Variants in RPTOR observed in about 807,000 individuals in gnomAD.
The protein encoded by RPTOR is regulatory-associated protein of mTOR.
Under a neutral mutation model 169.9 loss-of-function variants are expected in RPTOR, and 21 were observed. The observed-to-expected ratio is 0.12, with a 90% CI of 0.09 to 0.18. The LOEUF (loss-of-function observed/expected upper bound fraction) is 0.18. Among genes scored for constraint, RPTOR ranks in the 10% least tolerant of loss-of-function variants. The pLI is 1.00. For missense variants in RPTOR, 1,133 were observed against 1,855.9 expected (o/e 0.61, Z 7.16); for synonymous variants, 732 against 753.2 (o/e 0.97, Z 0.46).
intron 21 of RPTOR, among the ~76,000 whole-genome samples, chr17:80,914,498 C>T (rs1325934109): frequency 6.6e-6 from 1 of 152,218 alleles, no homozygotes; most frequent in Non-Finnish European, 1.5e-5. Context: ...CCTCTGTGCT[C>T]TCAGGGGCCC....
chr17:80,552,410 G>T (rs941213563), intron 1 of RPTOR, among the ~76,000 whole-genome samples: 1 of 152,096 alleles, frequency 6.6e-6, no homozygotes, highest in Non-Finnish European at 1.5e-5. Context: ...TCCTCAGAGA[G>T]GCCCACCATC....
chr17:80,706,008 C>A (rs750522963), intron 3 of RPTOR, among the ~76,000 whole-genome samples: 2 of 152,210 alleles, frequency 1.3e-5, no homozygotes, highest in Non-Finnish European at 2.9e-5. Context: ...CAAACACTTA[C>A]TGGCATTTTT....
intron 4 of RPTOR, among the ~76,000 whole-genome samples, chr17:80,717,438 G>A (rs184570794): frequency 5.9e-4 from 90 of 152,304 alleles, no homozygotes; most frequent in Admixed American, 3.1e-3. Context: ...GATCCCTAGA[G>A]CCAAGTCTTT....
chr17:80,762,425 G>A, intron 6 of RPTOR, among the ~76,000 whole-genome samples: 1 of 152,202 alleles, frequency 6.6e-6, no homozygotes, highest in Middle Eastern at 3.2e-3. Flanking sequence ...GCCCCAGGGT[G>A]CAGGCAAGGC....
intron 25 of RPTOR, among the ~76,000 whole-genome samples, chr17:80,944,486 G>A (rs2069073701): frequency 6.6e-6 from 1 of 152,208 alleles, no homozygotes; most frequent in Non-Finnish European, 1.5e-5. Context: ...TTGAGCAAAG[G>A]CATTAACCCT....
chr17:80,669,551 A>G (rs1251523381), intron 3 of RPTOR, among the ~76,000 whole-genome samples: 1 of 152,006 alleles, frequency 6.6e-6, no homozygotes, highest in Non-Finnish European at 1.5e-5. Flanking sequence ...TGCCCGGCTA[A>G]TTTTGTATTT....
chr17:80,964,396 G>A lies in RPTOR; in HGVS notation c.*66G>A. The A allele has an allele frequency of 6.5e-7, 1 of 1,530,190 alleles. No individual in the cohort carries two copies. The highest frequency in any genetic ancestry group is 8.9e-7 in the Non-Finnish European group (1 of 1,117,956). The allele number at this position is 1,530,190 out of a possible 1,614,324, so 94.8% of individuals were successfully genotyped here. On this transcript the variant is annotated 3_prime_UTR_variant, in exon 34 of 34. Transcript: ENST00000306801. Reference sequence around the variant, plus strand: ...ACATAGTGAAGCTGTCACTCGCCGGGGCACGGGGCGTCGGCTGCTGCGGCC... The same window carrying A: ...ACATAGTGAAGCTGTCACTCGCCGGAGCACGGGGCGTCGGCTGCTGCGGCC...
rs1327283668 is a variant in RPTOR, at chr17:80,651,326, C to T, written c.348+7516C>T. On this transcript the variant is annotated intron_variant, in intron 3 of 33. Transcript: ENST00000306801. The surrounding 1 kb of genome is among the most constrained non-coding windows in gnomAD (Gnocchi z 4.1). Reference sequence around the variant, plus strand: ...AAGAGTTGTAAAATCCTGCTCCAGCCAAATTGGAAAGTGCTGATCAAGGGG... The same window carrying T: ...AAGAGTTGTAAAATCCTGCTCCAGCTAAATTGGAAAGTGCTGATCAAGGGG... 6.6e-6 allele frequency among the ~76,000 whole-genome samples: 1 copy of T among 152,108 alleles called. No homozygotes were observed. Among genetic ancestry groups the T allele is most frequent in the Non-Finnish European group, 1.5e-5 (1 of 68,026 alleles).
In RPTOR at chr17:80,885,271, G is replaced by A. The variant is rs187924227; in HGVS notation, c.1983+123G>A. 3.1e-4 allele frequency: 345 copies of A among 1,128,266 alleles called. 3 individuals carry two copies. The East Asian group carries it at 7.4e-3, about 24-fold the overall frequency. The allele number at this position is 1,128,266 out of a possible 1,614,324, so 69.9% of individuals were successfully genotyped here. ...CTCAGTTTCCACTGCGTGTCATTGC[G>A]AGAGCAGATCTTTACATGTTTCATT... On this transcript the variant is annotated intron_variant, in intron 17 of 33. Transcript: ENST00000306801.
At chr17:80,791,406 G>A in intron 6 of RPTOR, 44 bp from the exon 7 acceptor site, 1 of 1,591,292 alleles carries the variant, frequency 6.3e-7, no homozygotes, top group Admixed American at 1.7e-5. Context: ...TTTCCTGGGT[G>A]ACTGTTCCAT....
In RPTOR at chr17:80,837,904, C is replaced by T. The variant is rs1223214515; in HGVS notation, c.1137-18C>T. 2 of 1,606,546 alleles carry T rather than the reference C, an allele frequency of 1.2e-6. No individual in the cohort carries two copies. The highest frequency in any genetic ancestry group is 1.7e-6 in the Non-Finnish European group (2 of 1,175,810). ...CCCGTCCATAATGCTCAGTGGATTT[C>T]CTCTGTTCTCTCCGCAGGCAAGCCT... On this transcript the variant is annotated intron_variant, in intron 9 of 33. Transcript: ENST00000306801.
At chr17:80,685,627 ATTTTTTTTTTTTTTTT>A (rs1165540456) in intron 3 of RPTOR, among the ~76,000 whole-genome samples, 3 of 30,700 alleles carry the variant, frequency 9.8e-5, no homozygotes, top group African/African-American at 5.1e-4. Flanking sequence ...ATATATATAT[ATTTTTTTTTTTTTTTT>A]TTTTTTTTTT....
chr17:80,916,394 G>A (rs1475625047), intron 21 of RPTOR, among the ~76,000 whole-genome samples: 1 of 152,222 alleles, frequency 6.6e-6, no homozygotes, highest in South Asian at 2.1e-4. Flanking sequence ...ACCCATGCCA[G>A]TGCCTAGAGC....
chr17:80,609,724 G>A lies in RPTOR; in HGVS notation c.163-15967G>A, dbSNP rs890709014. ...TGCACTGCTGCACTCCAGCCTGGGC[G>A]ACAGAGCGAGATTCTGTCTCAAAAA... On this transcript the variant is annotated intron_variant, in intron 1 of 33. Coordinates refer to ENST00000306801, the MANE Select transcript of RPTOR (RefSeq NM_020761.3). The surrounding 1 kb of genome is among the most constrained non-coding windows in gnomAD (Gnocchi z 4.8). Among the ~76,000 whole-genome samples, 9 of 151,688 alleles carry A rather than the reference G, an allele frequency of 5.9e-5. No homozygotes were observed. Among genetic ancestry groups the A allele is most frequent in the Non-Finnish European group, 1.3e-4 (9 of 67,924 alleles).
At chr17:80,774,375 T>G in intron 6 of RPTOR, 1 of 983,078 alleles carries the variant, frequency 1.0e-6, no homozygotes, top group Non-Finnish European at 1.2e-6. Flanking sequence ...CCACAGAGTA[T>G]TCTCCCTTAT....
intron 20 of RPTOR, among the ~76,000 whole-genome samples, chr17:80,906,543 A>C (rs2068544968): frequency 6.6e-6 from 1 of 152,206 alleles, no homozygotes. Context: ...TCCTGGGCAC[A>C]AGGCTCAAGC....
intron 4 of RPTOR, among the ~76,000 whole-genome samples, chr17:80,719,734 C>T (rs9896820): frequency 0.23 from 34,321 of 151,924 alleles, 3,948 homozygotes; most frequent in East Asian, 0.32. Context: ...TGGGGGGAAG[C>T]GGTACTTGTG....
In RPTOR at chr17:80,659,485, C is replaced by T. The variant is rs572216531; in HGVS notation, c.348+15675C>T. Among the ~76,000 whole-genome samples, 3 of 152,102 alleles carry T rather than the reference C, an allele frequency of 2.0e-5. No individual in the cohort carries two copies. The highest frequency in any genetic ancestry group is 6.5e-5 in the Admixed American group (1 of 15,268). Reference sequence around the variant, plus strand: ...TAGCTGGGACTACAGGTATGCGACACCATACCTGGCTAATTTTTATTTTTA... The same window carrying T: ...TAGCTGGGACTACAGGTATGCGACATCATACCTGGCTAATTTTTATTTTTA... On this transcript the variant is annotated intron_variant, in intron 3 of 33. Transcript: ENST00000306801. This position sits in a 1 kb window ranked among gnomAD's most constrained non-coding sequence, Gnocchi z 4.3.
At chr17:80,840,967 C>T (rs1391489806) in intron 10 of RPTOR, among the ~76,000 whole-genome samples, 1 of 47,846 alleles carries the variant, frequency 2.1e-5, no homozygotes, top group Non-Finnish European at 3.5e-5. Flanking sequence ...ACTCACCGCA[C>T]GGCAGCTCAC....
Sources: gnomAD v4.1 joint callset for allele counts (sites outside exome capture counted in the v4.1 genomes callset) on GRCh38, gnomAD v4.1.1 for gene constraint, Gnocchi (gnomAD v3.1) non-coding constraint, MANE v1.5 for transcripts, NCBI Gene and HGNC (gene_info 2026-07-23, HGNC 2026-07-21) for gene names.